Variants in MACROD2 observed in about 807,000 individuals in gnomAD.
The protein encoded by MACROD2 is ADP-ribose glycohydrolase MACROD2.
Under a neutral mutation model 70.4 loss-of-function variants are expected in MACROD2, and 36 were observed. The observed-to-expected ratio is 0.51, with a 90% CI of 0.39 to 0.68. The LOEUF (loss-of-function observed/expected upper bound fraction) is 0.68, where lower values mean the gene tolerates loss of function less well. MACROD2 is among the 30% of genes least tolerant of loss of function. The probability of loss-of-function intolerance (pLI) is 0.00; values close to 1 mark genes in which losing one functional copy is unlikely to be tolerated. For synonymous variants in MACROD2, 172 were observed against 178.8 expected (o/e 0.96, Z 0.30); for missense variants, 496 against 538.4 (o/e 0.92, Z 0.78).
intron 9 of MACROD2, among the ~76,000 whole-genome samples, chr20:15,876,118 T>TATGTATGC (rs2064668694): frequency 6.8e-6 from 1 of 146,056 alleles, no homozygotes; most frequent in Non-Finnish European, 1.5e-5. Context: ...TATATGTGTG[T>TATGTATGC]ATTTTTTTTA....
intron 8 of MACROD2, among the ~76,000 whole-genome samples, chr20:15,633,564 G>A (rs2049322072): frequency 7.9e-6 from 1 of 126,420 alleles, no homozygotes; most frequent in Admixed American, 7.4e-5. Context: ...AGAAGCATCC[G>A]TGAATTTTTT....
intron 5 of MACROD2, among the ~76,000 whole-genome samples, chr20:14,709,284 A>G (rs76214505): frequency 0.033 from 5,061 of 152,088 alleles, 118 homozygotes; most frequent in Non-Finnish European, 0.048. Flanking sequence ...TTTGGGGGAC[A>G]TGGATCAAAA....
chr20:15,220,140 GA>G (rs1428366064), intron 5 of MACROD2, among the ~76,000 whole-genome samples: 1 of 152,104 alleles, frequency 6.6e-6, no homozygotes, highest in Non-Finnish European at 1.5e-5. Context: ...TTTCTATGAA[GA>G]AACAGCTTTT....
chr20:14,470,328 T>C (rs2084513236), intron 3 of MACROD2, among the ~76,000 whole-genome samples: 1 of 152,106 alleles, frequency 6.6e-6, no homozygotes. Context: ...ATCTGCCAGA[T>C]GCTAGCCGGA....
chr20:15,283,872 T>TA (rs2077468594), intron 6 of MACROD2, among the ~76,000 whole-genome samples: 1 of 152,190 alleles, frequency 6.6e-6, no homozygotes, highest in Non-Finnish European at 1.5e-5. Flanking sequence ...AACTCCCATA[T>TA]ACCCATTATA....
Position 14,155,144 on chromosome 20 carries a change from A to G in MACROD2, c.271+69416A>G, listed in dbSNP as rs540550396. ...ATTCCTTAATCAAAATAACTGATACATGTATATATACACACATATATATAA... is the reference window on the plus strand; with the variant it reads ...ATTCCTTAATCAAAATAACTGATACGTGTATATATACACACATATATATAA... On this transcript the variant is annotated intron_variant, in intron 3 of 17. Coordinates refer to ENST00000684519, the MANE Select transcript of MACROD2 (RefSeq NM_001351661.2). 9.2e-5 allele frequency among the ~76,000 whole-genome samples: 14 copies of G among 152,298 alleles called. 1 individual carries two copies. The South Asian group carries it at 2.7e-3, about 29-fold the overall frequency.
intron 7 of MACROD2, among the ~76,000 whole-genome samples, chr20:15,490,346 C>T (rs1488789432): frequency 6.6e-6 from 1 of 151,736 alleles, no homozygotes; most frequent in African/African-American, 2.4e-5. Context: ...TGGAATGCAG[C>T]CTCCAATTCC....
At chr20:15,621,612 C>T (rs2049126953) in intron 8 of MACROD2, among the ~76,000 whole-genome samples, 1 of 152,122 alleles carries the variant, frequency 6.6e-6, no homozygotes, top group Non-Finnish European at 1.5e-5. Context: ...TAATTTGCAT[C>T]TGGAGGAAGG....
chr20:15,419,367 C>T (rs1157887953), intron 6 of MACROD2, among the ~76,000 whole-genome samples: 1 of 152,146 alleles, frequency 6.6e-6, no homozygotes, highest in East Asian at 1.9e-4. Context: ...AGGGGCAGTC[C>T]TCTGGCAGTT....
chr20:15,434,799 A>G (rs1173657670), intron 7 of MACROD2, among the ~76,000 whole-genome samples: 1 of 152,198 alleles, frequency 6.6e-6, no homozygotes, highest in Non-Finnish European at 1.5e-5. Context: ...GTAGATAAAG[A>G]AAATGTGGTA....
intron 5 of MACROD2, among the ~76,000 whole-genome samples, chr20:15,061,952 GT>G (rs2075536106): frequency 6.6e-6 from 1 of 152,158 alleles, no homozygotes; most frequent in Admixed American, 6.5e-5. Context: ...GAGACACGAT[GT>G]TCTGGTGCCT....
At chr20:14,423,730 G>T (rs1600224247) in intron 3 of MACROD2, among the ~76,000 whole-genome samples, 2 of 134,560 alleles carry the variant, frequency 1.5e-5, no homozygotes, top group Admixed American at 7.4e-5. Context: ...TTGCTTTCTA[G>T]TCCACCATTT....
chr20:14,069,755 C>G (rs1360216218), intron 2 of MACROD2, among the ~76,000 whole-genome samples: 1 of 150,070 alleles, frequency 6.7e-6, no homozygotes, highest in Non-Finnish European at 1.5e-5. Flanking sequence ...AATGTCACTT[C>G]CCTGTGTCTA....
intron 8 of MACROD2, among the ~76,000 whole-genome samples, chr20:15,771,959 C>T (rs953886264): frequency 1.3e-5 from 2 of 150,312 alleles, no homozygotes; most frequent in African/African-American, 2.4e-5. Flanking sequence ...GTGGCGGGCA[C>T]CTGTAGTCCC....
chr20:14,535,814 A>G (rs2085357053), intron 4 of MACROD2, among the ~76,000 whole-genome samples: 2 of 152,214 alleles, frequency 1.3e-5, no homozygotes, highest in South Asian at 4.1e-4. Flanking sequence ...TAACCTGATC[A>G]TATTATATCC....
At chr20:14,743,693 C>T (rs532267060) in intron 5 of MACROD2, among the ~76,000 whole-genome samples, 7 of 152,194 alleles carry the variant, frequency 4.6e-5, no homozygotes, top group Non-Finnish European at 7.4e-5. Flanking sequence ...TTAATACACG[C>T]GATAGTAGGT....
intron 2 of MACROD2, among the ~76,000 whole-genome samples, chr20:14,052,896 A>T (rs957846530): frequency 6.6e-6 from 1 of 152,188 alleles, no homozygotes; most frequent in African/African-American, 2.4e-5. Context: ...AGCAGTTGGA[A>T]CTTACTCCTG....
intron 3 of MACROD2, among the ~76,000 whole-genome samples, chr20:14,470,342 C>T (rs983584586): frequency 6.6e-6 from 1 of 152,098 alleles, no homozygotes; most frequent in African/African-American, 2.4e-5. Flanking sequence ...AGCCGGAGCT[C>T]TCCTATATGA....
chr20:14,382,236 A>ATT (rs1378608351), intron 3 of MACROD2, among the ~76,000 whole-genome samples: 1 of 151,602 alleles, frequency 6.6e-6, no homozygotes, highest in African/African-American at 2.4e-5. Context: ...AATTTTTTGT[A>ATT]TTTTTAGTAG....
Sources: allele counts gnomAD v4.1 joint callset (sites outside exome capture counted in the v4.1 genomes callset), GRCh38; gene constraint gnomAD v4.1.1; transcripts MANE v1.5; gene names NCBI Gene and HGNC (gene_info 2026-07-23, HGNC 2026-07-21).